Variants in MGAM2 observed in about 807,000 individuals in gnomAD.
MGAM2 encodes the protein maltase-glucoamylase 2 (putative), also known as probable maltase-glucoamylase 2.
A neutral mutation model predicts 96.1 loss-of-function variants in MGAM2; 98 were observed. The observed-to-expected ratio is 1.02, with a 90% CI of 0.87 to 1.21. MGAM2 has a LOEUF of 1.21. Among genes scored for constraint, MGAM2 ranks in the 50% most tolerant of loss-of-function variants. The pLI is 0.00. For missense variants in MGAM2, 2,055 were observed against 1,182.4 expected (o/e 1.74, Z -10.82); for synonymous variants, 749 against 414.8 (o/e 1.81, Z -9.79).
rs141755729 is a variant in MGAM2, at chr7:142,194,032, T to C, written c.4347-2122T>C. On this transcript the variant is annotated intron_variant, in intron 37 of 47. Transcript: ENST00000477922. ...TGTCCTCCTGCAGTCTTTTCTTTCT[T>C]CTTCTTTTTTTTTTTTTTAAGATGG... Among the ~76,000 whole-genome samples the C allele has an allele frequency of 4.6e-3, 638 of 138,856 alleles. 5 individuals are homozygous for C. The highest frequency in any genetic ancestry group is 0.018 in the African/African-American group (606 of 33,718). The allele number at this position is 138,856 out of a possible 152,430, so 91.1% of individuals were successfully genotyped here.
intron 45 of MGAM2, among the ~76,000 whole-genome samples, chr7:142,207,918 T>C (rs1259848751): frequency 2.6e-5 from 4 of 152,136 alleles, no homozygotes; most frequent in Non-Finnish European, 4.4e-5. Context: ...GTGCTTGGAA[T>C]CTGGAGCACT....
At chr7:142,129,328 T>C (rs1028050026) in intron 3 of MGAM2, among the ~76,000 whole-genome samples, 2 of 152,150 alleles carry the variant, frequency 1.3e-5, no homozygotes, top group Non-Finnish European at 2.9e-5. Context: ...AGATGAGACT[T>C]TGGACTTGTA....
chr7:142,199,807 T>C, intron 44 of MGAM2, 73 bp from the exon 45 acceptor site: 1 of 578,724 alleles, frequency 1.7e-6, no homozygotes, highest in Admixed American at 3.0e-5. Flanking sequence ...AGTAATGTTT[T>C]TAACACAGTC....
rs190572790 is a variant in MGAM2 at position 142,115,921 on chromosome 7, G to A, written c.1-953G>A. Among the ~76,000 whole-genome samples, 6 of 152,258 alleles carry A rather than the reference G, an allele frequency of 3.9e-5. No homozygotes were observed. In the East Asian group the frequency reaches 5.8e-4, roughly 15 times the overall value. ...AAAAGGACATTGCTCATTTGCATAT[G>A]GATTTACAATTTCAAAAGTGTAACA... On this transcript the variant is annotated intron_variant, in intron 1 of 47. Coordinates refer to ENST00000477922, the MANE Select transcript of MGAM2 (RefSeq NM_001293626.2).
intron 1 of MGAM2, among the ~76,000 whole-genome samples, chr7:142,113,233 T>C (rs1332419532): frequency 6.6e-6 from 1 of 152,186 alleles, no homozygotes; most frequent in Admixed American, 6.5e-5. Context: ...TGCTGACTTA[T>C]ATTTAATAGC....
intron 46 of MGAM2, among the ~76,000 whole-genome samples, chr7:142,211,520 A>G (rs1797581982): frequency 6.6e-6 from 1 of 152,260 alleles, no homozygotes; most frequent in Non-Finnish European, 1.5e-5. Flanking sequence ...GCTGAAAAAT[A>G]TAGCATGAGA....
At chr7:142,159,837 A>G (rs773018921) in intron 20 of MGAM2, among the ~76,000 whole-genome samples, 4 of 152,214 alleles carry the variant, frequency 2.6e-5, no homozygotes, top group Non-Finnish European at 5.9e-5. Flanking sequence ...GAAATTCATT[A>G]TATCAACCTG....
intron 36 of MGAM2, 44 bp downstream of exon 36, chr7:142,187,878 G>T: frequency 1.5e-6 from 1 of 687,926 alleles, no homozygotes; most frequent in Non-Finnish European, 2.7e-6. Flanking sequence ...CCTACTCAAA[G>T]ACTCCAAAAG....
intron 6 of MGAM2, among the ~76,000 whole-genome samples, 160 bp downstream of exon 6, chr7:142,132,245 T>C (rs1387323228): frequency 6.6e-6 from 1 of 151,196 alleles, no homozygotes; most frequent in African/African-American, 2.4e-5. Flanking sequence ...AGTGTTAGCC[T>C]ATCATGCTCG....
At chr7:142,144,133 A>C in intron 13 of MGAM2, 1 of 292,786 alleles carries the variant, frequency 3.4e-6, no homozygotes, top group Non-Finnish European at 6.4e-6. Context: ...TTCTCCATTA[A>C]CTGGTTGTCA....
rs1038877063 is a variant in MGAM2 at position 142,170,235 on chromosome 7, CA to C, written c.3182+7del. The C allele has an allele frequency of 1.4e-6, 1 of 700,738 alleles. No individual in the cohort carries two copies. Among genetic ancestry groups the C allele is most frequent in the Non-Finnish European group, 2.6e-6 (1 of 384,136 alleles). The allele number at this position is 700,738 out of a possible 1,614,324, so 43.4% of individuals were successfully genotyped here. On this transcript the variant is annotated splice_region_variant and intron_variant, in intron 27 of 47. Transcript: ENST00000477922. ...AAAAACTCCAGCACTGTGATGTAAG[CA>C]CTATTTATTTGATTCTAATTAGAGT...
At chr7:142,133,932 G>A (rs1379595588) in intron 6 of MGAM2, 49 bp from the exon 7 acceptor site, 8 of 656,088 alleles carry the variant, frequency 1.2e-5, no homozygotes, top group Non-Finnish European at 2.2e-5. Context: ...TCCTGGCAGA[G>A]GAAAGAGTGT....
In MGAM2 at chr7:142,114,199, A is replaced by AAAGAAAGAAAGAAAG. The variant is rs1563242693; in HGVS notation, c.-1+2394_-1+2408dup. Among the ~76,000 whole-genome samples the AAAGAAAGAAAGAAAG allele has an allele frequency of 8.9e-5, 9 of 101,056 alleles. No individual in the cohort carries two copies. The East Asian group carries it at 1.9e-3, about 22-fold the overall frequency. The allele number at this position is 101,056 out of a possible 152,430, so 66.3% of individuals were successfully genotyped here. ...GAAAGAAAGAAAGAAAGAAAGAAAGAAAGAAAGAAAGAAAGAGAGAAAGAA... is the reference window on the plus strand; with the variant it reads ...GAAAGAAAGAAAGAAAGAAAGAAAGAAAGAAAGAAAGAAAGAAGAAAGAAAGAAAGAGAGAAAGAA... On this transcript the variant is annotated intron_variant, in intron 1 of 47. Coordinates refer to ENST00000477922, the MANE Select transcript of MGAM2 (RefSeq NM_001293626.2).
intron 15 of MGAM2, among the ~76,000 whole-genome samples, chr7:142,149,837 G>A (rs536340752): frequency 2.6e-5 from 4 of 152,096 alleles, no homozygotes; most frequent in East Asian, 1.9e-4. Flanking sequence ...CACCGCGCCC[G>A]GCCTTACTTG....
rs1476784131 is a variant in MGAM2, at chr7:142,158,056, C to G, written c.2043C>G (p.Thr681=). Residue 681 remains threonine, a synonymous_variant, in exon 18 of 48, where the codon ACC becomes ACG. Transcript: ENST00000477922. ...ATACCCTTTTCTACCATGCTCACAC[C>G]CGGGGAGAGACGGTAGCAAGGCCCC... ...YLYTLFYHAH[T]RGETVARPLV... 1.0e-5 allele frequency: 7 copies of G among 702,832 alleles called. No individual in the cohort carries two copies. Among genetic ancestry groups the G allele is most frequent in the Non-Finnish European group, 1.3e-5 (5 of 384,994 alleles). The allele number at this position is 702,832 out of a possible 1,614,324, so 43.5% of individuals were successfully genotyped here.
At chr7:142,134,227 G>A (rs1209209010) in intron 7 of MGAM2, 75 bp downstream of exon 7, 1 of 629,736 alleles carries the variant, frequency 1.6e-6, no homozygotes, top group Non-Finnish European at 2.9e-6. Flanking sequence ...TAGCCTGCAG[G>A]AATACATCTA....
At chr7:142,178,683 C>T (rs1030708213) in intron 32 of MGAM2, among the ~76,000 whole-genome samples, 4 of 151,678 alleles carry the variant, frequency 2.6e-5, no homozygotes, top group Non-Finnish European at 4.4e-5. Context: ...TGATAGTATA[C>T]GTTGAGGTTG....
intron 25 of MGAM2, 45 bp downstream of exon 25, chr7:142,166,298 A>C (rs1796025167): frequency 1.5e-6 from 1 of 655,438 alleles, no homozygotes; most frequent in Non-Finnish European, 2.8e-6. Context: ...GGAAGTAATT[A>C]GGCACCTAGA....
At chr7:142,188,945 G>T (rs1379196775) in intron 36 of MGAM2, among the ~76,000 whole-genome samples, 1 of 152,162 alleles carries the variant, frequency 6.6e-6, no homozygotes, top group East Asian at 1.9e-4. Flanking sequence ...GTAAGTTAAG[G>T]ATCATCTGTA....
Sources: allele counts gnomAD v4.1 joint callset (sites outside exome capture counted in the v4.1 genomes callset), GRCh38; gene constraint gnomAD v4.1.1; transcripts MANE v1.5; gene names NCBI Gene and HGNC (gene_info 2026-07-23, HGNC 2026-07-21).